The following STPG2 variants were observed in gnomAD, a reference collection of about 807,000 sequenced individuals.
STPG2 encodes the protein sperm tail PG-rich repeat containing 2.
STPG2 carries 56 observed loss-of-function variants against 54.2 expected under a neutral mutation model. The ratio of observed to expected loss-of-function variants is 1.03; its 90% CI spans 0.83 to 1.29. The LOEUF is 1.29. Ranked by LOEUF, STPG2 falls within the 50% of genes most tolerant of loss-of-function variation. STPG2 has a pLI of 0.00. For missense variants in STPG2, 596 were observed against 544.9 expected, an observed-to-expected ratio of 1.09 and a Z score of -0.93; for synonymous variants, 200 against 181.8, an observed-to-expected ratio of 1.10 and a Z score of -0.81.
intron 9 of STPG2, among the ~76,000 whole-genome samples, chr4:97,752,534 C>T (rs1451260886): frequency 6.6e-6 from 1 of 151,768 alleles, no homozygotes; most frequent in African/African-American, 2.4e-5. Flanking sequence ...TATCACCTCT[C>T]TGCTTTAGCA....
intron 7 of STPG2, among the ~76,000 whole-genome samples, chr4:97,969,203 G>GT (rs1368848664): frequency 6.6e-6 from 1 of 152,192 alleles, no homozygotes; most frequent in African/African-American, 2.4e-5. Flanking sequence ...TGCTGCAACT[G>GT]TTACTGCTGA....
intron 10 of STPG2, among the ~76,000 whole-genome samples, chr4:97,673,201 T>C (rs1398450045): frequency 6.6e-6 from 1 of 152,238 alleles, no homozygotes; most frequent in Non-Finnish European, 1.5e-5. Flanking sequence ...TGTCAGTTGA[T>C]GTTACAAGTG....
intron 8 of STPG2, among the ~76,000 whole-genome samples, chr4:97,907,729 C>A (rs1731499104): frequency 6.6e-6 from 1 of 152,188 alleles, no homozygotes; most frequent in Non-Finnish European, 1.5e-5. Flanking sequence ...CTACAACCAT[C>A]TGATCTTTGA....
intron 10 of STPG2, among the ~76,000 whole-genome samples, chr4:97,581,412 T>C (rs1005757454): frequency 3.9e-5 from 6 of 152,114 alleles, no homozygotes; most frequent in African/African-American, 1.4e-4. Flanking sequence ...CTAAAAATTA[T>C]ATTTGGCCTA....
chr4:97,781,092 T>C (rs1726590881), intron 9 of STPG2, among the ~76,000 whole-genome samples: 1 of 151,620 alleles, frequency 6.6e-6, no homozygotes, highest in African/African-American at 2.4e-5. Flanking sequence ...AGAGAAGAAC[T>C]GAAGGAGATA....
At chr4:97,907,283 T>C (rs1408883715) in intron 8 of STPG2, among the ~76,000 whole-genome samples, 1 of 151,490 alleles carries the variant, frequency 6.6e-6, no homozygotes, top group African/African-American at 2.4e-5. Flanking sequence ...TCCAAGAGAA[T>C]AAAATACCTA....
At chr4:97,730,944 C>A (rs1560505163) in intron 9 of STPG2, among the ~76,000 whole-genome samples, 1 of 152,274 alleles carries the variant, frequency 6.6e-6, no homozygotes, top group Admixed American at 6.5e-5. Flanking sequence ...TGAATTTCAA[C>A]TTTTTCCTGA....
At chr4:98,142,863 G>A (rs916826544) in intron 1 of STPG2, among the ~76,000 whole-genome samples, 179 bp downstream of exon 1, 1 of 152,198 alleles carries the variant, frequency 6.6e-6, no homozygotes, top group African/African-American at 2.4e-5. Context: ...TGGGACAAGT[G>A]ATACTATCAG....
intron 10 of STPG2, among the ~76,000 whole-genome samples, chr4:97,630,958 ATGTT>A (rs1367546111): frequency 1.3e-5 from 2 of 151,916 alleles, no homozygotes; most frequent in East Asian, 1.9e-4. Flanking sequence ...AAGTGATAAA[ATGTT>A]TGTGGTTCTG....
intron 5 of STPG2, among the ~76,000 whole-genome samples, chr4:97,992,634 G>C (rs968157348): frequency 2.0e-5 from 3 of 152,090 alleles, no homozygotes; most frequent in African/African-American, 4.8e-5. Context: ...GTTCTGTGAA[G>C]AATTATGGTG....
chr4:97,554,469 A>C (rs752824447), downstream of STPG2, among the ~76,000 whole-genome samples: 1 of 152,056 alleles, frequency 6.6e-6, no homozygotes, highest in Non-Finnish European at 1.5e-5. Flanking sequence ...TGTGTCCTGA[A>C]CCTTCTTTCT....
At chr4:97,675,900 T>C (rs947917958) in intron 10 of STPG2, among the ~76,000 whole-genome samples, 18 of 147,024 alleles carry the variant, frequency 1.2e-4, no homozygotes, top group Non-Finnish European at 2.5e-4. Flanking sequence ...TATATATACA[T>C]ATATATATAG....
At chr4:98,076,328 T>C (rs1445690723) in intron 5 of STPG2, among the ~76,000 whole-genome samples, 3 of 127,900 alleles carry the variant, frequency 2.3e-5, no homozygotes, top group Non-Finnish European at 5.2e-5. Context: ...AAAATCCAGA[T>C]TAATCTGTAA....
intron 8 of STPG2, among the ~76,000 whole-genome samples, chr4:97,942,690 T>C (rs1045396723): frequency 6.6e-6 from 1 of 152,148 alleles, no homozygotes; most frequent in Non-Finnish European, 1.5e-5. Flanking sequence ...TGTCATTCCC[T>C]TAAATTAGTT....
chr4:97,603,259 G>T (rs954276982), intron 10 of STPG2, among the ~76,000 whole-genome samples: 3 of 151,476 alleles, frequency 2.0e-5, no homozygotes, highest in Non-Finnish European at 4.4e-5. Flanking sequence ...AAACCAAAAT[G>T]AGATACCACC....
At chr4:97,795,574 T>C (rs191214750) in intron 9 of STPG2, among the ~76,000 whole-genome samples, 46 of 152,368 alleles carry the variant, frequency 3.0e-4, no homozygotes, top group Admixed American at 2.4e-3. Context: ...CTGTGCCACA[T>C]TTTCTTAATC....
intron 4 of STPG2, among the ~76,000 whole-genome samples, chr4:97,513,755 G>A (rs891090480): frequency 2.0e-5 from 3 of 152,100 alleles, no homozygotes; most frequent in African/African-American, 7.2e-5. Context: ...TGAGTTTAGA[G>A]AAATTAAATT....
intron 8 of STPG2, among the ~76,000 whole-genome samples, chr4:97,915,229 A>ATGGTGCCC (rs1381709664): frequency 1.3e-5 from 2 of 152,086 alleles, no homozygotes; most frequent in Admixed American, 1.3e-4. Flanking sequence ...GCCTGCTCTT[A>ATGGTGCCC]AGGAATTTAC....
chr4:97,808,958 C>T (rs1727655822), intron 9 of STPG2, among the ~76,000 whole-genome samples: 1 of 151,850 alleles, frequency 6.6e-6, no homozygotes, highest in Non-Finnish European at 1.5e-5. Flanking sequence ...GAAAAATGGA[C>T]TGAATTACTA....
Sources: gnomAD v4.1 joint callset for allele counts (sites outside exome capture counted in the v4.1 genomes callset) on GRCh38, gnomAD v4.1.1 for gene constraint, MANE v1.5 for transcripts, NCBI Gene and HGNC (gene_info 2026-07-23, HGNC 2026-07-21) for gene names.